FAF1: variants seen among roughly 807,000 people sequenced by gnomAD.
FAF1 encodes FAS-associated factor 1.
FAF1 carries 25 observed loss-of-function variants against 92.5 expected under a neutral mutation model. The ratio of observed to expected loss-of-function variants is 0.27; its 90% CI spans 0.20 to 0.38. The LOEUF is 0.38. Among genes scored for constraint, FAF1 ranks in the 10% least tolerant of loss-of-function variants. The probability of loss-of-function intolerance (pLI) is 1.00; values close to 1 mark genes in which losing one functional copy is unlikely to be tolerated. For synonymous variants in FAF1, 234 were observed against 273.2 expected (o/e 0.86, Z 1.42); for missense variants, 636 against 793.3 (o/e 0.80, Z 2.38).
intron 16 of FAF1, among the ~76,000 whole-genome samples, chr1:50,491,261 T>C (rs1345560190): frequency 2.0e-5 from 3 of 152,240 alleles, no homozygotes; most frequent in Non-Finnish European, 1.5e-5. Flanking sequence ...TGGCTTATGT[T>C]ACAGCTACTT....
chr1:50,844,707 G>C (rs1362391826), intron 2 of FAF1, among the ~76,000 whole-genome samples: 5 of 151,884 alleles, frequency 3.3e-5, no homozygotes, highest in Non-Finnish European at 5.9e-5. Flanking sequence ...ATAAATTAGA[G>C]ATGCTACTGT....
intron 8 of FAF1, among the ~76,000 whole-genome samples, chr1:50,607,194 G>A (rs1267768361): frequency 6.6e-6 from 1 of 151,868 alleles, no homozygotes; most frequent in Non-Finnish European, 1.5e-5. Context: ...AGGCTTCATG[G>A]TGCCCTTGTA....
At chr1:50,938,520 G>T (rs1645104891) in intron 1 of FAF1, among the ~76,000 whole-genome samples, 1 of 152,202 alleles carries the variant, frequency 6.6e-6, no homozygotes. Flanking sequence ...CTCCCATTCT[G>T]TAGGTTGTCT....
intron 12 of FAF1, 45 bp from the exon 13 acceptor site, chr1:50,567,276 G>T (rs758490460): frequency 1.4e-6 from 2 of 1,458,838 alleles, no homozygotes; most frequent in Non-Finnish European, 1.9e-6. Flanking sequence ...ATCCACTAAT[G>T]TAAGATTTCT....
chr1:50,955,096 A>G (rs939143440), intron 1 of FAF1, among the ~76,000 whole-genome samples: 1 of 152,260 alleles, frequency 6.6e-6, no homozygotes, highest in Admixed American at 6.5e-5. Context: ...AATTATTTGG[A>G]TAACTATTTT....
At chr1:50,821,971 CCAAAG>C (rs1200582385) in intron 2 of FAF1, among the ~76,000 whole-genome samples, 1 of 151,766 alleles carries the variant, frequency 6.6e-6, no homozygotes, top group African/African-American at 2.4e-5. Context: ...GATGAGGAGA[CCAAAG>C]CAGAAGAAAA....
chr1:50,569,949 T>G (rs1222379927), intron 12 of FAF1, among the ~76,000 whole-genome samples: 1 of 152,084 alleles, frequency 6.6e-6, no homozygotes, highest in Non-Finnish European at 1.5e-5. Context: ...TTTGGCAATA[T>G]TTAATTTAAA....
At chr1:50,933,562 C>G (rs753313485) in intron 1 of FAF1, among the ~76,000 whole-genome samples, 12 of 152,176 alleles carry the variant, frequency 7.9e-5, no homozygotes, top group South Asian at 6.2e-4. Flanking sequence ...CTAGGAGGTT[C>G]CAAACTTTCC....
chr1:50,784,151 TTC>T (rs1189538855), intron 4 of FAF1, among the ~76,000 whole-genome samples: 3 of 152,162 alleles, frequency 2.0e-5, no homozygotes, highest in African/African-American at 7.2e-5. Context: ...TTCTCACCAC[TTC>T]TATTCAACGT....
intron 8 of FAF1, among the ~76,000 whole-genome samples, chr1:50,640,378 C>T (rs905092911): frequency 1.7e-4 from 25 of 150,900 alleles, no homozygotes; most frequent in African/African-American, 6.1e-4. Context: ...CTGCAAGCTC[C>T]GCCTCCCAGG....
intron 2 of FAF1, among the ~76,000 whole-genome samples, chr1:50,833,969 T>C (rs988829134): frequency 3.3e-5 from 5 of 152,246 alleles, no homozygotes; most frequent in African/African-American, 1.2e-4. Flanking sequence ...CCCTTTGATA[T>C]GGTTTGGATT....
At chr1:50,815,775 G>T (rs1396652704) in intron 2 of FAF1, among the ~76,000 whole-genome samples, 3 of 152,134 alleles carry the variant, frequency 2.0e-5, no homozygotes, top group Non-Finnish European at 4.4e-5. Context: ...TGTAATCCCA[G>T]CACTTTGGGA....
intron 1 of FAF1, among the ~76,000 whole-genome samples, chr1:50,939,348 T>C (rs1645111463): frequency 6.6e-6 from 1 of 152,226 alleles, no homozygotes; most frequent in African/African-American, 2.4e-5. Flanking sequence ...ATTGTGCTCT[T>C]GATTTGACTC....
At chr1:50,458,246 G>A (rs932520198) in intron 18 of FAF1, among the ~76,000 whole-genome samples, 1 of 152,144 alleles carries the variant, frequency 6.6e-6, no homozygotes, top group Non-Finnish European at 1.5e-5. Flanking sequence ...AAAGGTTTAA[G>A]TATATCAATA....
chr1:50,714,985 G>A, intron 6 of FAF1: 2 of 431,162 alleles, frequency 4.6e-6, no homozygotes, highest in Non-Finnish European at 9.2e-6. Context: ...CACTGTAACA[G>A]ATATAAAGTA....
At chr1:50,636,843 T>C (rs1442205052) in intron 8 of FAF1, among the ~76,000 whole-genome samples, 1 of 152,170 alleles carries the variant, frequency 6.6e-6, no homozygotes, top group Non-Finnish European at 1.5e-5. Context: ...ATTTAAGTCA[T>C]CTCTGATCTA....
intron 7 of FAF1, among the ~76,000 whole-genome samples, chr1:50,697,329 T>C (rs1569788195): frequency 6.6e-6 from 1 of 152,168 alleles, no homozygotes; most frequent in East Asian, 1.9e-4. Flanking sequence ...ACAGTTCTAT[T>C]GCTTTTAAAA....
intron 2 of FAF1, among the ~76,000 whole-genome samples, chr1:50,840,003 T>G (rs1410077227): frequency 6.6e-6 from 1 of 151,954 alleles, no homozygotes. Flanking sequence ...AAGGAAGGAA[T>G]AAGCTTTTCA....
chr1:50,787,156 T>C (rs777689647), intron 4 of FAF1, among the ~76,000 whole-genome samples: 1 of 152,228 alleles, frequency 6.6e-6, no homozygotes, highest in Non-Finnish European at 1.5e-5. Context: ...CTTGGTAAAG[T>C]CTGTCCAGAA....
Sources: allele counts gnomAD v4.1 joint callset (sites outside exome capture counted in the v4.1 genomes callset), GRCh38; gene constraint gnomAD v4.1.1; transcripts MANE v1.5; gene names NCBI Gene and HGNC (gene_info 2026-07-23, HGNC 2026-07-21).